Variants in CRTC1 observed in about 807,000 individuals in gnomAD.
CRTC1 encodes the protein CREB-regulated transcription coactivator 1.
CRTC1 carries 18 observed loss-of-function variants against 66.1 expected under a neutral mutation model. The observed-to-expected ratio is 0.27, with a 90% CI of 0.19 to 0.40. CRTC1 has a LOEUF of 0.40. Among genes scored for constraint, CRTC1 ranks in the 10% least tolerant of loss-of-function variants. The pLI is 1.00. For missense variants in CRTC1, 669 were observed against 887.9 expected, an observed-to-expected ratio of 0.75 and a Z score of 3.13; for synonymous variants, 416 against 398.8, an observed-to-expected ratio of 1.04 and a Z score of -0.51.
At position 18,683,835 on chromosome 19, in the gene CRTC1, G is replaced by A. The variant is rs767836681; in HGVS notation, c.126+7G>A. ...CCTGACGCGGGCCGCGCGGGTAAGGGGGCTGCCCGCGCCGACCCTTCAGGG... is the reference window on the plus strand; with the variant it reads ...CCTGACGCGGGCCGCGCGGGTAAGGAGGCTGCCCGCGCCGACCCTTCAGGG... On this transcript the variant is annotated splice_region_variant and intron_variant, in intron 1 of 13. Transcript: ENST00000321949. The A allele has an allele frequency of 5.6e-6, 7 of 1,259,246 alleles. No individual in the cohort carries two copies. The highest frequency in any genetic ancestry group is 7.2e-6 in the Non-Finnish European group (7 of 971,536). 78.0% of individuals were successfully genotyped at this position (1,259,246 alleles called of 1,614,324 possible).
chr19:18,759,494 G>C, intron 6 of CRTC1, 57 bp from the exon 7 acceptor site: 7 of 1,580,426 alleles, frequency 4.4e-6, no homozygotes, highest in Non-Finnish European at 6.0e-6. Flanking sequence ...CAGTGCCCAG[G>C]AGGAGGGCCC....
chr19:18,753,874 C>T (rs940966611), intron 6 of CRTC1, among the ~76,000 whole-genome samples: 3 of 152,036 alleles, frequency 2.0e-5, no homozygotes, highest in Non-Finnish European at 2.9e-5. Context: ...CCGAGGCAGG[C>T]GGATTGCCAG....
intron 1 of CRTC1, among the ~76,000 whole-genome samples, chr19:18,711,984 T>C (rs2053402518): frequency 6.6e-6 from 1 of 152,196 alleles, no homozygotes; most frequent in South Asian, 2.1e-4. Context: ...GGTCTTGCTC[T>C]GTTGCCCAGG....
intron 1 of CRTC1, among the ~76,000 whole-genome samples, chr19:18,731,816 G>T (rs1472102614): frequency 1.3e-5 from 2 of 152,220 alleles, no homozygotes; most frequent in Non-Finnish European, 1.5e-5. Context: ...GCCCCGGGGG[G>T]TGGGGGGAAG....
chr19:18,697,185 G>T (rs1288476160), intron 1 of CRTC1, among the ~76,000 whole-genome samples: 1 of 152,114 alleles, frequency 6.6e-6, no homozygotes, highest in Non-Finnish European at 1.5e-5. Flanking sequence ...TTGCCAACTG[G>T]AAACGAAGCA....
chr19:18,742,017 C>T (rs972807140), intron 1 of CRTC1, among the ~76,000 whole-genome samples: 4 of 152,178 alleles, frequency 2.6e-5, no homozygotes, highest in African/African-American at 9.7e-5. Context: ...ACCACCCCTC[C>T]TTCCTGCCTG....
intron 1 of CRTC1, among the ~76,000 whole-genome samples, chr19:18,709,288 C>G (rs1388793195): frequency 6.6e-6 from 1 of 152,146 alleles, no homozygotes; most frequent in Non-Finnish European, 1.5e-5. Flanking sequence ...TTCCCCTCAC[C>G]TGGCCCCTCA....
At chr19:18,746,483 C>T (rs80088700) in intron 3 of CRTC1, among the ~76,000 whole-genome samples, 2 of 150,802 alleles carry the variant, frequency 1.3e-5, no homozygotes, top group African/African-American at 4.8e-5. Context: ...AGAGTCCCCC[C>T]CTCCCCCCCA....
rs1390871811 is a variant in CRTC1, at chr19:18,732,085, T to C, written c.127-10825T>C. Among the ~76,000 whole-genome samples, 4 of 152,332 alleles carry C rather than the reference T, an allele frequency of 2.6e-5. No homozygotes were observed. In the East Asian group the frequency reaches 7.7e-4, roughly 29 times the overall value. On this transcript the variant is annotated intron_variant, in intron 1 of 13. Transcript: ENST00000321949. ...CAGTTCCTGTAATTCCTGGGGGTGA[T>C]GCTGGGCCCCCAGGGGCAGGGCATG... is the stretch of plus-strand genomic sequence containing the variant.
In CRTC1 at chr19:18,765,541, G is replaced by A. The variant is rs2054711391; in HGVS notation, c.1011+13G>A. ...ACCCATCACTCAGGTGCGAGGGCAA[G>A]GTGGGGGGCAGGTGGGAGGGGGAAA... On this transcript the variant is annotated intron_variant, in intron 9 of 13. Transcript: ENST00000321949. 1 of 1,596,798 alleles carries A rather than the reference G, an allele frequency of 6.3e-7. No individual in the cohort carries two copies. Among genetic ancestry groups the A allele is most frequent in the Non-Finnish European group, 8.5e-7 (1 of 1,174,638 alleles).
intron 1 of CRTC1, among the ~76,000 whole-genome samples, chr19:18,708,522 C>T (rs1233632564): frequency 3.3e-5 from 5 of 152,096 alleles, no homozygotes; most frequent in African/African-American, 9.7e-5. Context: ...CTGGGGGAAT[C>T]GGGACCATGA....
At position 18,768,413 on chromosome 19, in the gene CRTC1, G is replaced by T. The variant is rs2054782576; in HGVS notation, c.1012-72G>T. 7.4e-7 allele frequency: 1 copy of T among 1,343,486 alleles called. No individual in the cohort carries two copies. Among genetic ancestry groups the T allele is most frequent in the Non-Finnish European group, 1.0e-6 (1 of 966,340 alleles). 83.2% of individuals were successfully genotyped at this position (1,343,486 alleles called of 1,614,324 possible). ...CCACCTCGCCTGCTGAGCATGCCAG[G>T]CTATGGGGGCCCGAGGGGGCCAGGC... On this transcript the variant is annotated intron_variant, in intron 9 of 13. Coordinates refer to ENST00000321949, the MANE Select transcript of CRTC1 (RefSeq NM_015321.3). This position sits in a 1 kb window ranked among gnomAD's most constrained non-coding sequence, Gnocchi z 5.6.
In CRTC1 at chr19:18,691,200, A is replaced by AAAAAAAG. The variant is rs1237326053; in HGVS notation, c.126+7377_126+7378insAGAAAAA. Among the ~76,000 whole-genome samples the AAAAAAAG allele has an allele frequency of 1.8e-4, 27 of 151,222 alleles. No homozygotes were observed. In the East Asian group the frequency reaches 4.5e-3, roughly 25 times the overall value. On this transcript the variant is annotated intron_variant, in intron 1 of 13. Transcript: ENST00000321949. ...GAGTGAGATCCTGTCTCAAAAAAAA[A>AAAAAAAG]AAAAAGAAAAAGAAAAAGGAAAAGA...
At chr19:18,728,509 T>C (rs879684482) in intron 1 of CRTC1, among the ~76,000 whole-genome samples, 7 of 152,118 alleles carry the variant, frequency 4.6e-5, no homozygotes, top group Admixed American at 4.6e-4. Context: ...CTTATCCTCT[T>C]TTTTTAATTT....
chr19:18,728,016 G>A (rs1314695586), intron 1 of CRTC1, among the ~76,000 whole-genome samples: 3 of 152,252 alleles, frequency 2.0e-5, no homozygotes, highest in South Asian at 2.1e-4. Flanking sequence ...GTGAGCCACC[G>A]TGCCCGGCCT....
chr19:18,706,972 C>T (rs1398464810), intron 1 of CRTC1, among the ~76,000 whole-genome samples: 1 of 152,154 alleles, frequency 6.6e-6, no homozygotes, highest in African/African-American at 2.4e-5. Context: ...TATTTTCTCT[C>T]ATTCCGTGGG....
intron 1 of CRTC1, among the ~76,000 whole-genome samples, chr19:18,717,656 A>G (rs1191667055): frequency 6.6e-6 from 1 of 151,956 alleles, no homozygotes; most frequent in East Asian, 1.9e-4. Context: ...CTCAGCCTAC[A>G]GTGAGTATGG....
At chr19:18,759,377 G>C (rs1481300643) in intron 6 of CRTC1, among the ~76,000 whole-genome samples, 174 bp from the exon 7 acceptor site, 1 of 152,158 alleles carries the variant, frequency 6.6e-6, no homozygotes, top group Non-Finnish European at 1.5e-5. Context: ...CTCCACCCTG[G>C]GGCGGTGCCC....
rs927981027 is a variant in CRTC1 at position 18,779,909 on chromosome 19, G to A, written c.*2527G>A. 1.3e-5 allele frequency: 3 copies of A among 229,238 alleles called. No individual in the cohort carries two copies. Among genetic ancestry groups the A allele is most frequent in the Non-Finnish European group, 1.7e-5 (2 of 115,686 alleles). The allele number at this position is 229,238 out of a possible 1,614,324, so 14.2% of individuals were successfully genotyped here. A position where few individuals can be genotyped will look rare whatever the true frequency, so the allele number is the denominator to read the frequency against. ...CAGGAGCCAGCAGCCAGGCGTCCCT[G>A]TGTTCCAGAAGGATTCACGCCCCTC... On this transcript the variant is annotated 3_prime_UTR_variant, in exon 14 of 14. Coordinates refer to ENST00000321949, the MANE Select transcript of CRTC1 (RefSeq NM_015321.3).
Sources: gnomAD v4.1 joint callset for allele counts (sites outside exome capture counted in the v4.1 genomes callset) on GRCh38, gnomAD v4.1.1 for gene constraint, Gnocchi (gnomAD v3.1) non-coding constraint, MANE v1.5 for transcripts, NCBI Gene and HGNC (gene_info 2026-07-23, HGNC 2026-07-21) for gene names.